PBRM1: variants seen among roughly 807,000 people sequenced by gnomAD.
The protein encoded by PBRM1 is protein polybromo-1.
PBRM1 carries 27 observed loss-of-function variants against 194.5 expected under a neutral mutation model. The observed-to-expected ratio is 0.14, with a 90% CI of 0.10 to 0.19. PBRM1 has a LOEUF of 0.19. PBRM1 is among the 10% of genes least tolerant of loss of function. The pLI is 1.00. For missense variants in PBRM1, 1,466 were observed against 2,077.2 expected (o/e 0.71, Z 5.72); for synonymous variants, 655 against 693.2 (o/e 0.94, Z 0.87).
chr3:52,590,657 A>C (rs1265324737), intron 17 of PBRM1, among the ~76,000 whole-genome samples: 2 of 143,868 alleles, frequency 1.4e-5, no homozygotes, highest in Non-Finnish European at 2.9e-5. Context: ...TTTTTTAGAC[A>C]GTCTCACTCT....
At chr3:52,660,182 C>T (rs6804145) in intron 4 of PBRM1, among the ~76,000 whole-genome samples, 69,237 of 151,978 alleles carry the variant, frequency 0.46, 16,118 homozygotes, top group African/African-American at 0.52. Flanking sequence ...TACAGAAGTA[C>T]GGGCAAGTCC....
chr3:52,651,058 C>T (rs2096479434), intron 6 of PBRM1, among the ~76,000 whole-genome samples: 1 of 152,152 alleles, frequency 6.6e-6, no homozygotes. Flanking sequence ...GGGCAAGTTA[C>T]TTAACACTTC....
At chr3:52,625,774 A>G (rs772273030) in intron 13 of PBRM1, among the ~76,000 whole-genome samples, 8 of 151,960 alleles carry the variant, frequency 5.3e-5, no homozygotes, top group Non-Finnish European at 1.0e-4. Context: ...ATGAGGTTTC[A>G]CCACGTTGTC....
Position 52,633,781 on chromosome 3 carries a change from G to A in PBRM1, c.1301+821C>T, listed in dbSNP as rs148184875. ...TTAGTGATGCTGAGCACCTTTTCAT[G>A]TGCTTATTAGCCAGCTGTATATTTT... On this transcript the variant is annotated intron_variant, in intron 11 of 29. Transcript: ENST00000296302. Among the ~76,000 whole-genome samples, 611 of 152,124 alleles carry A rather than the reference G, an allele frequency of 4.0e-3. 3 individuals carry two copies. The highest frequency in any genetic ancestry group is 0.023 in the South Asian group (109 of 4,806).
chr3:52,649,089 C>T (rs113236534), intron 6 of PBRM1, among the ~76,000 whole-genome samples: 279 of 152,026 alleles, frequency 1.8e-3, no homozygotes, highest in Middle Eastern at 3.4e-3. Context: ...CCAAACTGAG[C>T]GAAATGGAAG....
chr3:52,633,892 A>G (rs2153636642), intron 11 of PBRM1, among the ~76,000 whole-genome samples: 1 of 152,180 alleles, frequency 6.6e-6, no homozygotes, highest in East Asian at 1.9e-4. Context: ...ATTTTTAATG[A>G]CACTATTGTG....
chr3:52,664,412 G>GAAAAAAAA, intron 3 of PBRM1, among the ~76,000 whole-genome samples: 1 of 101,182 alleles, frequency 9.9e-6, no homozygotes, highest in Non-Finnish European at 1.9e-5. Context: ...TGAAAGAACT[G>GAAAAAAAA]AAAAAAAAAA....
intron 22 of PBRM1, among the ~76,000 whole-genome samples, chr3:52,568,862 T>C (rs1180015662): frequency 6.6e-6 from 1 of 152,194 alleles, no homozygotes; most frequent in Non-Finnish European, 1.5e-5. Context: ...CCCCTTTCAC[T>C]ATACTTTTCA....
chr3:52,585,911 A>C (rs1460566100), intron 20 of PBRM1: 1 of 151,976 alleles, frequency 6.6e-6, no homozygotes, highest in African/African-American at 2.4e-5. Flanking sequence ...CTTGTCAAAT[A>C]ATTAGCTCTT....
intron 23 of PBRM1, 37 bp downstream of exon 25, chr3:52,564,013 G>T (rs2153522224): frequency 1.4e-6 from 2 of 1,426,324 alleles, no homozygotes; most frequent in Non-Finnish European, 9.8e-7. Context: ...TCAGTTAATG[G>T]AAGTGCTCTT....
intron 15 of PBRM1, among the ~76,000 whole-genome samples, chr3:52,614,373 C>CAAAAAA (rs1165930996): frequency 2.0e-4 from 8 of 40,890 alleles, no homozygotes; most frequent in African/African-American, 3.7e-4. Flanking sequence ...GATGCTTCAT[C>CAAAAAA]AAAAAAAAAA....
upstream of PBRM1, chr3:52,685,876 C>T (rs1454683837): frequency 1.8e-6 from 1 of 548,772 alleles, no homozygotes; most frequent in East Asian, 3.4e-5. Context: ...ACCCGCCGCC[C>T]TCACCTCCCT....
Position 52,609,174 on chromosome 3 carries a change from T to C in PBRM1, c.2567+139A>G, listed in dbSNP as rs979292118. On this transcript the variant is annotated intron_variant, in intron 16 of 29. Transcript: ENST00000296302. The surrounding 1 kb of genome is among the most constrained non-coding windows in gnomAD (Gnocchi z 4.1). Reference sequence around the variant, plus strand: ...ATACTCACTCTTAAGAAGTTCTGGCTGATTAGAATTCAGAATAGCATGCTA... The same window carrying C: ...ATACTCACTCTTAAGAAGTTCTGGCCGATTAGAATTCAGAATAGCATGCTA... 1 of 686,648 alleles carries C rather than the reference T, an allele frequency of 1.5e-6. No individual in the cohort carries two copies. Among genetic ancestry groups the C allele is most frequent in the African/African-American group, 1.8e-5 (1 of 55,314 alleles). The allele number at this position is 686,648 out of a possible 1,614,324, so 42.5% of individuals were successfully genotyped here. A position where few individuals can be genotyped will look rare whatever the true frequency, so the allele number is the denominator to read the frequency against.
rs990424929 is a variant in PBRM1, at chr3:52,637,951, GAAAAGAA to G, written c.1088-3143_1088-3137del. On this transcript the variant is annotated intron_variant, in intron 10 of 29. Transcript: ENST00000296302. ...ACAACAGCGAAACTCCGTCTCAAGA[GAAAAGAA>G]AAAAGAAAAAAAGGAGATACTTTAT... is the stretch of plus-strand genomic sequence containing the variant. Among the ~76,000 whole-genome samples the G allele has an allele frequency of 2.3e-3, 354 of 151,372 alleles. 1 individual carries two copies. Among genetic ancestry groups the G allele is most frequent in the African/African-American group, 8.0e-3 (331 of 41,316 alleles).
chr3:52,582,649 AATT>A (rs2091534204), intron 20 of PBRM1, among the ~76,000 whole-genome samples: 1 of 152,026 alleles, frequency 6.6e-6, no homozygotes. Context: ...TTTTAAAAGA[AATT>A]ATTTTATGAT....
chr3:52,639,551 A>C (rs1009303769), intron 10 of PBRM1, among the ~76,000 whole-genome samples: 18 of 151,580 alleles, frequency 1.2e-4, no homozygotes, highest in Non-Finnish European at 2.5e-4. Flanking sequence ...GAGTAGCTAC[A>C]TATGGCTTAT....
intron 20 of PBRM1, among the ~76,000 whole-genome samples, chr3:52,584,973 AT>A (rs1254428603): frequency 2.6e-5 from 4 of 152,182 alleles, no homozygotes; most frequent in African/African-American, 9.7e-5. Context: ...CTTAAAAAAA[AT>A]CAAGATGGGT....
intron 8 of PBRM1, among the ~76,000 whole-genome samples, chr3:52,644,289 G>GT (rs1221557406): frequency 1.5e-4 from 23 of 152,090 alleles, no homozygotes; most frequent in African/African-American, 5.3e-4. Flanking sequence ...AATATCAACT[G>GT]TAAGTATCAC....
At chr3:52,669,577 A>G (rs1474905356) in intron 2 of PBRM1, among the ~76,000 whole-genome samples, 1 of 152,094 alleles carries the variant, frequency 6.6e-6, no homozygotes, top group East Asian at 1.9e-4. Flanking sequence ...CCCATTCTAG[A>G]TGTGTAAGAG....
Sources: gnomAD v4.1 joint callset for allele counts (sites outside exome capture counted in the v4.1 genomes callset) on GRCh38, gnomAD v4.1.1 for gene constraint, Gnocchi (gnomAD v3.1) non-coding constraint, MANE v1.5 for transcripts, NCBI Gene and HGNC (gene_info 2026-07-23, HGNC 2026-07-21) for gene names.